HNF4G: variants seen among roughly 807,000 people sequenced by gnomAD.
The protein encoded by HNF4G is hepatocyte nuclear factor 4 gamma, also known as hepatocyte nuclear factor 4-gamma.
A neutral mutation model predicts 50.9 loss-of-function variants in HNF4G; 21 were observed. The ratio of observed to expected loss-of-function variants is 0.41; its 90% CI spans 0.29 to 0.59. HNF4G has a LOEUF of 0.59. HNF4G is among the 20% of genes least tolerant of loss of function. The pLI is 0.26. For synonymous variants in HNF4G, 198 were observed against 185.6 expected (o/e 1.07, Z -0.54); for missense variants, 527 against 559.4 (o/e 0.94, Z 0.58).
intron 1 of HNF4G, among the ~76,000 whole-genome samples, chr8:75,483,479 G>A (rs919875670): frequency 5.3e-5 from 8 of 152,036 alleles, no homozygotes; most frequent in Non-Finnish European, 1.2e-4. Flanking sequence ...TCTGGTGCTC[G>A]GCCCCTCCCT....
At chr8:75,416,749 G>A (rs1384568165) in intron 1 of HNF4G, among the ~76,000 whole-genome samples, 1 of 152,078 alleles carries the variant, frequency 6.6e-6, no homozygotes, top group East Asian at 1.9e-4. Context: ...AAACCTAGAA[G>A]GCTTGAGCTT....
intron 2 of HNF4G, among the ~76,000 whole-genome samples, chr8:75,499,841 C>T (rs1369922483): frequency 1.3e-5 from 2 of 151,802 alleles, no homozygotes; most frequent in East Asian, 3.9e-4. Context: ...ATTTACATGC[C>T]AAAAAATAAT....
At chr8:75,423,762 A>G (rs1398936017) in intron 1 of HNF4G, among the ~76,000 whole-genome samples, 1 of 148,844 alleles carries the variant, frequency 6.7e-6, no homozygotes, top group Admixed American at 6.7e-5. Flanking sequence ...GAATTAAATC[A>G]CTATCCAGCA....
At chr8:75,478,244 G>T (rs760921732) in intron 1 of HNF4G, among the ~76,000 whole-genome samples, 12 of 152,234 alleles carry the variant, frequency 7.9e-5, no homozygotes, top group Non-Finnish European at 1.3e-4. Flanking sequence ...AGCCCAGGAG[G>T]CCCAGGCTGC....
At chr8:75,529,888 G>A (rs1250251853) in intron 2 of HNF4G, among the ~76,000 whole-genome samples, 1 of 151,718 alleles carries the variant, frequency 6.6e-6, no homozygotes. Context: ...TAATTTTGTT[G>A]TCCTCTCCTC....
intron 1 of HNF4G, among the ~76,000 whole-genome samples, chr8:75,416,408 G>A (rs1253074638): frequency 6.6e-6 from 1 of 151,738 alleles, no homozygotes; most frequent in Non-Finnish European, 1.5e-5. Context: ...TGGAAGCTTT[G>A]AAATGTCCTG....
chr8:75,421,951 G>A (rs944745610), intron 1 of HNF4G, among the ~76,000 whole-genome samples: 30 of 152,258 alleles, frequency 2.0e-4, no homozygotes, highest in African/African-American at 7.2e-4. Context: ...ATGTGTGTGT[G>A]CGCGTCAGGT....
rs1160048541 is a variant in HNF4G, at chr8:75,560,389, A to G, written c.1169A>G (p.His390Arg). ...GSHLHHPMHP[H>R]LSQDPLTGQT... is the part of the protein sequence containing the mutation. ...CATCTCCATCATCCAATGCATCCACATTTGTCTCAAGACCCATTAACTGGA... is the reference window on the plus strand; with the variant it reads ...CATCTCCATCATCCAATGCATCCACGTTTGTCTCAAGACCCATTAACTGGA... The change falls in exon 9 of 10, where the codon CAT (histidine) becomes CGT (arginine). Residue 390 changes from histidine (H) to arginine (R), a missense_variant. By Grantham distance (29) the His-to-Arg change is conservative (BLOSUM62 0). This residue lies in a region of HNF4G where 308 missense variants were observed against 301.5 expected (regional missense o/e 1.02). Coordinates refer to ENST00000396423, the MANE Select transcript of HNF4G (RefSeq NM_004133.5). 3 of 1,613,324 alleles carry G rather than the reference A, an allele frequency of 1.9e-6. No individual in the cohort carries two copies. The highest frequency in any genetic ancestry group is 2.5e-6 in the Non-Finnish European group (3 of 1,179,412).
rs77152110 is a variant in HNF4G, at chr8:75,457,420, C to A, written c.-143-32669C>A. ...GGTCACTGTGGCTATACACCTTATG[C>A]CTATTCCTCTATACACCTCTGAGAT... On this transcript the variant is annotated intron_variant, in intron 1 of 10. Transcript: ENST00000354370. Among the ~76,000 whole-genome samples, 1,414 of 152,212 alleles carry A rather than the reference C, an allele frequency of 9.3e-3. 30 individuals carry two copies. The highest frequency in any genetic ancestry group is 0.033 in the African/African-American group (1,360 of 41,528).
At chr8:75,413,172 G>A (rs1348855403) in intron 1 of HNF4G, among the ~76,000 whole-genome samples, 1 of 151,800 alleles carries the variant, frequency 6.6e-6, no homozygotes. Flanking sequence ...GACAATGTCT[G>A]CAAGGCACCG....
intron 2 of HNF4G, among the ~76,000 whole-genome samples, chr8:75,502,221 A>G (rs36100473): frequency 0.28 from 42,669 of 152,080 alleles, 7,472 homozygotes; most frequent in African/African-American, 0.5. Flanking sequence ...TAGATTTCTC[A>G]AATTTAAAAA....
rs79855729 is a variant in HNF4G, at chr8:75,454,395, A to T, written c.-143-35694A>T. Among the ~76,000 whole-genome samples, 204 of 152,358 alleles carry T rather than the reference A, an allele frequency of 1.3e-3. 1 individual carries two copies. Among genetic ancestry groups the T allele is most frequent in the Non-Finnish European group, 2.4e-3 (166 of 68,038 alleles). ...AAATGTTTAGTACATTTCCCAGTAC[A>T]TCGTAAAACCTCAGTACATGCAGTT... On this transcript the variant is annotated intron_variant, in intron 1 of 10. Transcript: ENST00000354370.
chr8:75,476,846 G>C (rs1396053489), intron 1 of HNF4G, among the ~76,000 whole-genome samples: 1 of 152,188 alleles, frequency 6.6e-6, no homozygotes, highest in Non-Finnish European at 1.5e-5. Flanking sequence ...CATGCAGTGA[G>C]GTCAGGAGTC....
At chr8:75,550,033 A>G (rs1806902679) in intron 3 of HNF4G, among the ~76,000 whole-genome samples, 1 of 152,164 alleles carries the variant, frequency 6.6e-6, no homozygotes, top group Non-Finnish European at 1.5e-5. Context: ...CTTAAAAGCA[A>G]AAAGTCCTGT....
intron 1 of HNF4G, among the ~76,000 whole-genome samples, chr8:75,431,795 A>G (rs1452869316): frequency 6.6e-6 from 1 of 151,714 alleles, no homozygotes; most frequent in Non-Finnish European, 1.5e-5. Flanking sequence ...GTGTTGTGTC[A>G]GGCGCCTGTA....
chr8:75,477,870 G>A (rs1348501914), intron 1 of HNF4G, among the ~76,000 whole-genome samples: 1 of 152,308 alleles, frequency 6.6e-6, no homozygotes, highest in East Asian at 1.9e-4. Flanking sequence ...GGAAGGCTGA[G>A]GCAGGAGAAT....
chr8:75,482,301 T>G (rs1292121966), intron 1 of HNF4G, among the ~76,000 whole-genome samples: 1 of 152,126 alleles, frequency 6.6e-6, no homozygotes, highest in African/African-American at 2.4e-5. Context: ...GGGACCTCCT[T>G]GTATTGATCT....
At chr8:75,555,544 C>A (rs935702656) in intron 5 of HNF4G, among the ~76,000 whole-genome samples, 1 of 149,676 alleles carries the variant, frequency 6.7e-6, no homozygotes, top group African/African-American at 2.5e-5. Flanking sequence ...TATGTTTTAT[C>A]GTTTAGTACT....
intron 9 of HNF4G, 86 bp from the exon 10 acceptor site, chr8:75,563,889 T>G: frequency 7.1e-7 from 1 of 1,409,760 alleles, no homozygotes; most frequent in African/African-American, 1.4e-5. Context: ...CAAATTACGC[T>G]AATGTGTATT....
Sources: gnomAD v4.1 joint callset for allele counts (sites outside exome capture counted in the v4.1 genomes callset) on GRCh38, gnomAD v4.1.1 for gene constraint, gnomAD v4.1.1 regional missense constraint, MANE v1.5 for transcripts, NCBI Gene and HGNC (gene_info 2026-07-23, HGNC 2026-07-21) for gene names.